Variants in DFFB observed in about 807,000 individuals in gnomAD.
DFFB encodes the protein DNA fragmentation factor subunit beta, also known as DNA fragmentation factor 40 kDa subunit.
In DFFB, 29 loss-of-function variants were observed where a neutral mutation model predicts 32.7. The observed-to-expected ratio is 0.89, with a 90% CI of 0.66 to 1.21. The LOEUF is 1.21. Among genes scored for constraint, DFFB ranks in the 50% most tolerant of loss-of-function variants. The pLI is 0.00. For synonymous variants in DFFB, 170 were observed against 177.1 expected, an observed-to-expected ratio of 0.96 and a Z score of 0.32; for missense variants, 398 against 440.6, an observed-to-expected ratio of 0.90 and a Z score of 0.87.
rs189656478 is a variant in DFFB, at chr1:3,866,926, T to C, written c.430+926T>C. On this transcript the variant is annotated intron_variant, in intron 3 of 6. Coordinates refer to ENST00000378209, the MANE Select transcript of DFFB (RefSeq NM_004402.4). ...TCTTTCTTTTTTTGAGACAGAGTCT[T>C]GCTCTGTTGCCCAGGCTGGAGTGCA... Among the ~76,000 whole-genome samples the C allele has an allele frequency of 6.6e-3, 1,005 of 152,296 alleles. 14 individuals are homozygous for C. The highest frequency in any genetic ancestry group is 0.023 in the African/African-American group (946 of 41,566).
Position 3,865,508 on chromosome 1 carries a change from G to A in DFFB, c.242-304G>A, listed in dbSNP as rs528386902. ...CAAGGTCTCCAGGAAGGGCCAAAGT[G>A]GGGGGCGTATGGTTTGGAGGGGAGG... On this transcript the variant is annotated intron_variant, in intron 2 of 6. Coordinates refer to ENST00000378209, the MANE Select transcript of DFFB (RefSeq NM_004402.4). This position sits in a 1 kb window ranked among gnomAD's most constrained non-coding sequence, Gnocchi z 4.7. The A allele has an allele frequency of 9.2e-5, 49 of 531,058 alleles. No homozygotes were observed. The South Asian group carries it at 9.9e-4, about 11-fold the overall frequency. 32.9% of individuals were successfully genotyped at this position (531,058 alleles called of 1,614,324 possible). A position where few individuals can be genotyped will look rare whatever the true frequency, so the allele number is the denominator to read the frequency against.
At chr1:3,859,303 G>T (rs1644833495) in intron 2 of DFFB, among the ~76,000 whole-genome samples, 1 of 152,128 alleles carries the variant, frequency 6.6e-6, no homozygotes. Flanking sequence ...CTGTCCTCAG[G>T]GCTCAAGTTT....
intron 6 of DFFB, among the ~76,000 whole-genome samples, chr1:3,881,265 A>T (rs573772784): frequency 3.9e-5 from 6 of 152,352 alleles, no homozygotes; most frequent in Non-Finnish European, 7.3e-5. Context: ...CAACACCAGC[A>T]GAAGGCCCCC....
intron 2 of DFFB, 92 bp downstream of exon 2, chr1:3,858,936 A>T (rs184999727): frequency 2.6e-4 from 399 of 1,545,542 alleles, no homozygotes; most frequent in Non-Finnish European, 3.4e-4. Context: ...GGTGGGGAAG[A>T]GTCCCCCTTA....
chr1:3,864,841 G>A (rs775119316), intron 2 of DFFB, among the ~76,000 whole-genome samples: 2 of 152,024 alleles, frequency 1.3e-5, no homozygotes, highest in African/African-American at 2.4e-5. Context: ...GAGCCACCGC[G>A]CCCAGCCCTA....
At chr1:3,860,775 A>G (rs1236601789) in intron 2 of DFFB, among the ~76,000 whole-genome samples, 1 of 152,188 alleles carries the variant, frequency 6.6e-6, no homozygotes, top group Non-Finnish European at 1.5e-5. Flanking sequence ...TCTCCCCTTT[A>G]TAATCCTGCC....
rs1473529051 is a variant in DFFB, at chr1:3,869,741, G to A, written c.647G>A (p.Arg216His). ...GACAGAGGAGCCAAGGGCGGCAGCC[G>A]CCTCTGCACACCGGAAGGCTGGTTC... ...YFDRGAKGGS[R>H]LCTPEGWFSC... The change falls in exon 5 of 7, where the codon CGC (arginine) becomes CAC (histidine). Residue 216 changes from arginine (R) to histidine (H), a missense_variant. Arg to His is a conservative substitution (Grantham distance 29, BLOSUM62 0). Transcript: ENST00000378209. The A allele has an allele frequency of 2.3e-5, 37 of 1,610,214 alleles. 1 individual carries two copies. The highest frequency in any genetic ancestry group is 1.2e-4 in the Admixed American group (7 of 59,844).
At chr1:3,876,973 C>G (rs1645236248) in intron 6 of DFFB, among the ~76,000 whole-genome samples, 1 of 152,202 alleles carries the variant, frequency 6.6e-6, no homozygotes, top group Non-Finnish European at 1.5e-5. Context: ...GTGGACCTGA[C>G]TCCTCAGCCC....
chr1:3,871,580 G>A (rs1176635452), intron 5 of DFFB, among the ~76,000 whole-genome samples: 6 of 152,122 alleles, frequency 3.9e-5, no homozygotes, highest in African/African-American at 1.2e-4. Flanking sequence ...AGTCACCACC[G>A]TGCCCGGCCA....
intron 4 of DFFB, among the ~76,000 whole-genome samples, chr1:3,869,221 A>C (rs549897040): frequency 1.1e-4 from 17 of 152,298 alleles, no homozygotes; most frequent in African/African-American, 3.8e-4. Context: ...CACCATGCCC[A>C]GCTAATTTTT....
intron 6 of DFFB, among the ~76,000 whole-genome samples, chr1:3,877,080 C>T (rs999750139): frequency 7.2e-5 from 11 of 152,176 alleles, no homozygotes; most frequent in African/African-American, 2.4e-4. Context: ...AACACCATAG[C>T]GGGGTCCTCA....
chr1:3,860,332 T>C (rs557236218), intron 2 of DFFB: 9 of 313,278 alleles, frequency 2.9e-5, no homozygotes, highest in South Asian at 2.2e-4. Flanking sequence ...TTTCAAGTGA[T>C]CCCGTTGCCT....
intron 2 of DFFB, among the ~76,000 whole-genome samples, chr1:3,864,216 C>T (rs554096961): frequency 3.3e-5 from 5 of 152,166 alleles, no homozygotes; most frequent in Admixed American, 6.5e-5. Context: ...CTGCCTGCCT[C>T]GGCCTCCGAA....
At chr1:3,869,803 C>A in intron 5 of DFFB, 28 bp downstream of exon 5, 1 of 1,568,408 alleles carries the variant, frequency 6.4e-7, no homozygotes, top group South Asian at 1.2e-5. Context: ...TATCCTGGGG[C>A]CACCCGGCTG....
At chr1:3,858,324 C>G (rs1298030909) in intron 1 of DFFB, among the ~76,000 whole-genome samples, 2 of 152,290 alleles carry the variant, frequency 1.3e-5, no homozygotes, top group East Asian at 3.9e-4. Flanking sequence ...GGCAACCAAC[C>G]GTTCTCCTTC....
chr1:3,859,985 T>C (rs1644848086), intron 2 of DFFB, among the ~76,000 whole-genome samples: 2 of 152,218 alleles, frequency 1.3e-5, no homozygotes, highest in South Asian at 4.1e-4. Context: ...TCTGTCTGTC[T>C]CTGTCTCTCT....
rs765225919 is a variant in DFFB, at chr1:3,865,712, TG to T, written c.242-96del. 1.3e-4 allele frequency: 206 copies of T among 1,590,940 alleles called. No homozygotes were observed. Among genetic ancestry groups the T allele is most frequent in the Non-Finnish European group, 1.7e-4 (200 of 1,159,186 alleles). ...CTGAGTCCTGGTGATTGCCAGGCCC[TG>T]GGGAATGGGGGAAGATGTGGTCAGA... On this transcript the variant is annotated intron_variant, in intron 2 of 6. Coordinates refer to ENST00000378209, the MANE Select transcript of DFFB (RefSeq NM_004402.4). This position sits in a 1 kb window ranked among gnomAD's most constrained non-coding sequence, Gnocchi z 4.7.
intron 5 of DFFB, among the ~76,000 whole-genome samples, chr1:3,871,598 A>G (rs913455855): frequency 6.6e-6 from 1 of 152,106 alleles, no homozygotes; most frequent in Non-Finnish European, 1.5e-5. Flanking sequence ...CCAAGGCAGA[A>G]CTCTGAATCT....
chr1:3,869,886 T>C, intron 5 of DFFB, 111 bp downstream of exon 5: 1 of 1,182,750 alleles, frequency 8.5e-7, no homozygotes, highest in Non-Finnish European at 1.2e-6. Context: ...GGGCAAAGCC[T>C]TGTGAAGAGG....
Sources: allele counts gnomAD v4.1 joint callset (sites outside exome capture counted in the v4.1 genomes callset), GRCh38; gene constraint gnomAD v4.1.1; non-coding constraint Gnocchi (gnomAD v3.1); transcripts MANE v1.5; gene names NCBI Gene and HGNC (gene_info 2026-07-23, HGNC 2026-07-21).